The following OPCML variants were observed in gnomAD, a reference collection of about 807,000 sequenced individuals.
OPCML encodes opioid-binding protein/cell adhesion molecule.
In OPCML, 13 loss-of-function variants were observed where a neutral mutation model predicts 37.8. That is an observed-to-expected ratio of 0.34 (90% CI 0.22 to 0.55). The LOEUF is 0.55. Ranked by LOEUF, OPCML falls within the 20% of genes least tolerant of loss-of-function variation. The pLI, the probability that OPCML is intolerant of heterozygous loss-of-function variation, is 0.91. For synonymous variants in OPCML, 176 were observed against 168.8 expected (o/e 1.04, Z -0.33); for missense variants, 341 against 435.6 (o/e 0.78, Z 1.93).
intron 1 of OPCML, among the ~76,000 whole-genome samples, chr11:133,326,154 T>G (rs185128659): frequency 2.0e-5 from 3 of 152,262 alleles, no homozygotes; most frequent in Admixed American, 6.5e-5. Flanking sequence ...AACTGAGTCC[T>G]CTTTCCCTCC....
intron 2 of OPCML, among the ~76,000 whole-genome samples, chr11:132,934,307 C>A (rs1313521003): frequency 1.3e-5 from 2 of 152,076 alleles, no homozygotes; most frequent in African/African-American, 4.8e-5. Context: ...GGGGTAGGTC[C>A]AGCGTGGATT....
intron 1 of OPCML, among the ~76,000 whole-genome samples, chr11:133,112,758 G>A (rs1949276379): frequency 6.6e-6 from 1 of 152,028 alleles, no homozygotes; most frequent in African/African-American, 2.4e-5. Context: ...GCCTTGTCCT[G>A]TCTCCAGCAC....
intron 2 of OPCML, among the ~76,000 whole-genome samples, chr11:132,681,730 C>T (rs913634931): frequency 2.6e-5 from 4 of 152,022 alleles, no homozygotes; most frequent in Admixed American, 2.6e-4. Flanking sequence ...CCGAGGTGGG[C>T]AGATCACGAG....
intron 1 of OPCML, among the ~76,000 whole-genome samples, chr11:133,202,020 G>T (rs1938819810): frequency 7.0e-6 from 1 of 143,078 alleles, no homozygotes; most frequent in African/African-American, 2.7e-5. Context: ...TTATATTCCA[G>T]CGGAACAGGC....
Position 132,535,970 on chromosome 11 carries a change from T to A in OPCML, c.380-6784A>T, listed in dbSNP as rs528129966. 1.6e-4 allele frequency among the ~76,000 whole-genome samples: 25 copies of A among 152,328 alleles called. No homozygotes were observed. The South Asian group carries it at 3.9e-3, about 24-fold the overall frequency. ...GAACTCTCTGGGAATTTTTTTTTAATTGCAGATTATTAGAGCTGAATCAGA... is the reference window on the plus strand; with the variant it reads ...GAACTCTCTGGGAATTTTTTTTTAAATGCAGATTATTAGAGCTGAATCAGA... On this transcript the variant is annotated intron_variant, in intron 3 of 7. Transcript: ENST00000524381.
intron 1 of OPCML, among the ~76,000 whole-genome samples, chr11:133,443,095 G>C (rs1007088404): frequency 6.6e-6 from 1 of 152,130 alleles, no homozygotes; most frequent in African/African-American, 2.4e-5. Flanking sequence ...AGAAAACGCA[G>C]ACAATCTAAA....
intron 1 of OPCML, among the ~76,000 whole-genome samples, chr11:133,140,397 C>T (rs889209434): frequency 6.8e-6 from 1 of 148,140 alleles, no homozygotes; most frequent in African/African-American, 2.5e-5. Context: ...CACCTGTAAT[C>T]CCAGCTACTT....
rs1565639653 is a variant in OPCML at position 132,528,719 on chromosome 11, C to T, written c.505+342G>A. ...AAAGTTCTCCATGGCCACGCTAATA[C>T]TCTTGCACTCTACTTCCAGGAAGAA... On this transcript the variant is annotated intron_variant, in intron 4 of 7. Transcript: ENST00000524381. 2.6e-5 allele frequency among the ~76,000 whole-genome samples: 4 copies of T among 152,326 alleles called. No individual in the cohort carries two copies. In the South Asian group the frequency reaches 8.3e-4, roughly 32 times the overall value.
intron 1 of OPCML, chr11:133,008,211 C>T (rs1193232501): frequency 1.0e-6 from 1 of 985,262 alleles, no homozygotes; most frequent in Non-Finnish European, 1.2e-6. Flanking sequence ...GAATTAAGCT[C>T]AGACCCTACA....
chr11:132,925,616 A>G (rs2136607317), intron 2 of OPCML, among the ~76,000 whole-genome samples: 1 of 151,922 alleles, frequency 6.6e-6, no homozygotes, highest in Admixed American at 6.6e-5. Context: ...TTCAGCCATC[A>G]CTCAATGGTC....
intron 1 of OPCML, among the ~76,000 whole-genome samples, chr11:133,526,540 T>G (rs185302358): frequency 1.3e-5 from 2 of 152,312 alleles, no homozygotes; most frequent in Non-Finnish European, 2.9e-5. Context: ...CACATTCATC[T>G]TCAAGCTTCT....
At chr11:133,352,749 A>T (rs1944170265) in intron 1 of OPCML, among the ~76,000 whole-genome samples, 1 of 152,228 alleles carries the variant, frequency 6.6e-6, no homozygotes, top group South Asian at 2.1e-4. Context: ...TGAGAGCTAG[A>T]CTAGTAAAAA....
Position 132,436,178 on chromosome 11 carries a change from G to A in OPCML, c.824C>T (p.Thr275Ile). The A allele has an allele frequency of 6.2e-7, 1 of 1,614,218 alleles. No individual in the cohort carries two copies. The highest frequency in any genetic ancestry group is 8.5e-7 in the Non-Finnish European group (1 of 1,180,026). The change falls in exon 7 of 8, where the codon ACT (threonine) becomes ATT (isoleucine). Residue 275 changes from threonine to isoleucine, a missense_variant. Physicochemically the swap from Thr to Ile is moderately conservative, Grantham distance 89. Transcript: ENST00000524381. ...ATCCTTTTCTGAAACATTGAAGAAA[G>A]TCAGAGTGGACATGCGGCCTTTGTT... The part of the protein sequence containing the change: ...IENKGRMSTL[T>I]FFNVSEKDYG...
chr11:132,770,539 C>G (rs539433766), intron 2 of OPCML, among the ~76,000 whole-genome samples: 1 of 152,196 alleles, frequency 6.6e-6, no homozygotes, highest in South Asian at 2.1e-4. Flanking sequence ...AAATAATAAG[C>G]CTTTCATGGG....
chr11:132,492,073 G>T (rs140953611), intron 4 of OPCML, among the ~76,000 whole-genome samples: 213 of 152,054 alleles, frequency 1.4e-3, no homozygotes, highest in Middle Eastern at 0.01. Context: ...GCAGGCAACT[G>T]GTGTGGCCAG....
intron 1 of OPCML, among the ~76,000 whole-genome samples, chr11:133,068,674 C>G (rs192996593): frequency 1.3e-5 from 2 of 152,156 alleles, no homozygotes; most frequent in Admixed American, 1.3e-4. Flanking sequence ...ACTCTAGGTC[C>G]TTGACACATA....
At chr11:132,793,348 C>A (rs998078844) in intron 2 of OPCML, among the ~76,000 whole-genome samples, 8 of 152,106 alleles carry the variant, frequency 5.3e-5, no homozygotes, top group Admixed American at 2.0e-4. Context: ...AATTCCAACT[C>A]GTAGTCTTGT....
chr11:133,140,799 A>AGACGACGACGAC (rs1565467985), intron 1 of OPCML, among the ~76,000 whole-genome samples: 18 of 144,388 alleles, frequency 1.2e-4, no homozygotes, highest in African/African-American at 4.4e-4. Flanking sequence ...AAGAAGAAGA[A>AGACGACGACGAC]GAAGAAGACG....
chr11:132,624,382 C>G (rs559982939), intron 3 of OPCML, among the ~76,000 whole-genome samples: 2 of 152,300 alleles, frequency 1.3e-5, no homozygotes, highest in African/African-American at 4.8e-5. Flanking sequence ...TGTTTCCTTT[C>G]ACATTTCTCA....
Sources: gnomAD v4.1 joint callset for allele counts (sites outside exome capture counted in the v4.1 genomes callset) on GRCh38, gnomAD v4.1.1 for gene constraint, MANE v1.5 for transcripts, NCBI Gene and HGNC (gene_info 2026-07-23, HGNC 2026-07-21) for gene names.